CCDC73: variants seen among roughly 807,000 people sequenced by gnomAD.
CCDC73 encodes coiled-coil domain containing 73.
CCDC73 carries 95 observed loss-of-function variants against 116.5 expected under a neutral mutation model. The ratio of observed to expected loss-of-function variants is 0.82; its 90% CI spans 0.69 to 0.97. CCDC73 has a LOEUF of 0.97. Among genes scored for constraint, CCDC73 ranks in the 50% least tolerant of loss-of-function variants. The pLI is 0.00. For synonymous variants in CCDC73, 398 were observed against 401.3 expected, an observed-to-expected ratio of 0.99 and a Z score of 0.10; for missense variants, 1,066 against 1,206.8, an observed-to-expected ratio of 0.88 and a Z score of 1.73.
intron 3 of CCDC73, among the ~76,000 whole-genome samples, chr11:32,709,447 C>T (rs1054373912): frequency 3.9e-5 from 6 of 152,132 alleles, no homozygotes; most frequent in African/African-American, 1.4e-4. Context: ...CAGGCGCCTG[C>T]CACCAAGCCT....
At chr11:32,790,346 T>C (rs965919947) in intron 1 of CCDC73, among the ~76,000 whole-genome samples, 7 of 152,244 alleles carry the variant, frequency 4.6e-5, no homozygotes, top group African/African-American at 1.7e-4. Flanking sequence ...TGTCAGATCA[T>C]ATGGTTAGCA....
the CCDC73 span, among the ~76,000 whole-genome samples, chr11:32,803,973 ATTTTTT>A: frequency 6.7e-6 from 1 of 149,586 alleles, no homozygotes; most frequent in South Asian, 2.1e-4. Flanking sequence ...CACCTACCTA[ATTTTTT>A]TTTTATTTTT....
chr11:32,791,017 A>G (rs918300211), intron 1 of CCDC73, among the ~76,000 whole-genome samples: 1 of 152,218 alleles, frequency 6.6e-6, no homozygotes, highest in Non-Finnish European at 1.5e-5. Flanking sequence ...AATAAAGTTG[A>G]ATCCAACACA....
Position 32,631,877 on chromosome 11 carries a change from T to TA in CCDC73, c.1185+3818dup, listed in dbSNP as rs1367326281. Among the ~76,000 whole-genome samples the TA allele has an allele frequency of 3.9e-5, 6 of 152,182 alleles. No homozygotes were observed. In the East Asian group the frequency reaches 1.2e-3, roughly 29 times the overall value. On this transcript the variant is annotated intron_variant, in intron 14 of 17. Transcript: ENST00000335185. ...ACATATAGGCAGGCAGGCAGGCAGA[T>TA]AGACAGACAGACACAGAGATATATA...
rs1169509688 is a variant in CCDC73, at chr11:32,621,531, AT to A, written c.1186-5403del. On this transcript the variant is annotated intron_variant, in intron 14 of 17. Coordinates refer to ENST00000335185, the MANE Select transcript of CCDC73 (RefSeq NM_001008391.4). The stretch of plus-strand genomic sequence containing the variant: ...TTATACAAAAATTAATTCAAGATAG[AT>A]TAAATACTTAAGTGCAAAACCCAAA... Among the ~76,000 whole-genome samples, 5 of 152,234 alleles carry A rather than the reference AT, an allele frequency of 3.3e-5. No homozygotes were observed. In the South Asian group the frequency reaches 6.2e-4, roughly 19 times the overall value.
chr11:32,772,711 AG>A (rs1207942263), intron 1 of CCDC73, among the ~76,000 whole-genome samples: 10 of 152,234 alleles, frequency 6.6e-5, no homozygotes, highest in South Asian at 2.1e-4. Flanking sequence ...GGTGAAATCT[AG>A]GTAAGGTTAT....
intron 9 of CCDC73, among the ~76,000 whole-genome samples, chr11:32,657,502 T>A (rs1855884507): frequency 6.6e-6 from 1 of 152,068 alleles, no homozygotes; most frequent in Non-Finnish European, 1.5e-5. Flanking sequence ...ATAGTGGATA[T>A]CCTCCATTTA....
At chr11:32,743,285 G>A (rs969587591) in intron 2 of CCDC73, among the ~76,000 whole-genome samples, 3 of 152,106 alleles carry the variant, frequency 2.0e-5, no homozygotes, top group Non-Finnish European at 4.4e-5. Context: ...TCCTATCCAT[G>A]AGCATGTAAA....
intron 14 of CCDC73, among the ~76,000 whole-genome samples, chr11:32,629,768 G>GA (rs1855612329): frequency 3.2e-5 from 1 of 30,858 alleles, no homozygotes; most frequent in Non-Finnish European, 6.9e-5. Flanking sequence ...AGCAATGCAA[G>GA]CCAAAAAAAA....
chr11:32,683,889 GAGAT>G (rs1005331874), intron 6 of CCDC73, among the ~76,000 whole-genome samples: 13 of 152,160 alleles, frequency 8.5e-5, no homozygotes, highest in African/African-American at 2.9e-4. Context: ...TAAAGCAAGA[GAGAT>G]AGAGAGAGCA....
chr11:32,806,904 T>C, the CCDC73 span, among the ~76,000 whole-genome samples: 1 of 152,158 alleles, frequency 6.6e-6, no homozygotes, highest in Admixed American at 6.5e-5. Context: ...ACTGCTACTA[T>C]GGGTCTGAGT....
chr11:32,776,989 GTATATATATATATATATATATA>G (rs71063758), intron 1 of CCDC73, among the ~76,000 whole-genome samples: 1 of 101,140 alleles, frequency 9.9e-6, no homozygotes, highest in Non-Finnish European at 2.0e-5. Flanking sequence ...ATATACACAT[GTATATATATATATATATATATA>G]TATATATATA....
At chr11:32,813,322 C>G in the CCDC73 span, among the ~76,000 whole-genome samples, 6 of 151,400 alleles carry the variant, frequency 4.0e-5, no homozygotes, top group African/African-American at 7.3e-5. Context: ...CATGAAGTCT[C>G]TTTTTTTTTC....
intron 2 of CCDC73, among the ~76,000 whole-genome samples, chr11:32,758,045 G>T (rs552353513): frequency 3.3e-5 from 5 of 152,288 alleles, no homozygotes; most frequent in Non-Finnish European, 7.4e-5. Context: ...CTACTAAAAT[G>T]TTGAGGGGGA....
intron 1 of CCDC73, among the ~76,000 whole-genome samples, chr11:32,787,249 C>T (rs907551783): frequency 6.6e-6 from 1 of 152,138 alleles, no homozygotes; most frequent in Non-Finnish European, 1.5e-5. Context: ...CTAGGGCAAA[C>T]GCTAATATGC....
At chr11:32,759,751 T>A (rs1320272272) in intron 2 of CCDC73, among the ~76,000 whole-genome samples, 2 of 152,222 alleles carry the variant, frequency 1.3e-5, no homozygotes, top group Non-Finnish European at 2.9e-5. Context: ...TTCATAGGCA[T>A]CTATATAATA....
At chr11:32,669,230 T>C (rs565562151) in intron 9 of CCDC73, among the ~76,000 whole-genome samples, 14 of 152,198 alleles carry the variant, frequency 9.2e-5, no homozygotes, top group Non-Finnish European at 1.5e-4. Context: ...TTCATATTTA[T>C]AGGATGTTTG....
intron 1 of CCDC73, among the ~76,000 whole-genome samples, chr11:32,775,362 T>A (rs1850525120): frequency 6.6e-6 from 1 of 152,212 alleles, no homozygotes; most frequent in Non-Finnish European, 1.5e-5. Context: ...GTTTCTGCAG[T>A]CTCAGGTCAA....
intron 1 of CCDC73, among the ~76,000 whole-genome samples, chr11:32,773,716 G>A (rs1850509429): frequency 6.6e-6 from 1 of 151,620 alleles, no homozygotes; most frequent in African/African-American, 2.4e-5. Context: ...GGAGTTCGAG[G>A]TAACAGTGAG....
Sources: gnomAD v4.1 joint callset for allele counts (sites outside exome capture counted in the v4.1 genomes callset) on GRCh38, gnomAD v4.1.1 for gene constraint, MANE v1.5 for transcripts, NCBI Gene and HGNC (gene_info 2026-07-23, HGNC 2026-07-21) for gene names.